Variants in SLC1A2 observed in about 807,000 individuals in gnomAD.
The protein encoded by SLC1A2 is excitatory amino acid transporter 2.
Under a neutral mutation model 48.8 loss-of-function variants are expected in SLC1A2, and 15 were observed. The observed-to-expected ratio is 0.31, with a 90% CI of 0.21 to 0.47. The LOEUF (loss-of-function observed/expected upper bound fraction) is 0.47, where lower values mean the gene tolerates loss of function less well. SLC1A2 is among the 20% of genes least tolerant of loss of function. The pLI is 0.99. For missense variants in SLC1A2, 502 were observed against 730.5 expected, an observed-to-expected ratio of 0.69 and a Z score of 3.61; for synonymous variants, 279 against 272.6, an observed-to-expected ratio of 1.02 and a Z score of -0.23.
intron 1 of SLC1A2, among the ~76,000 whole-genome samples, chr11:35,356,436 T>C (rs1341385970): frequency 5.3e-5 from 8 of 152,212 alleles, no homozygotes; most frequent in Admixed American, 5.2e-4. Flanking sequence ...GTTATGGCAG[T>C]GCACTTGGTC....
intron 1 of SLC1A2, among the ~76,000 whole-genome samples, chr11:35,354,938 C>T (rs1853403007): frequency 6.6e-6 from 1 of 152,180 alleles, no homozygotes; most frequent in South Asian, 2.1e-4. Context: ...TATACATTTT[C>T]CCATATTTTA....
intron 5 of SLC1A2, among the ~76,000 whole-genome samples, chr11:35,304,766 A>G (rs938400527): frequency 6.6e-6 from 1 of 152,138 alleles, no homozygotes; most frequent in Non-Finnish European, 1.5e-5. Context: ...CAAACAAACA[A>G]ACATGACACT....
chr11:35,349,940 C>T (rs993721137), intron 1 of SLC1A2, among the ~76,000 whole-genome samples: 2 of 152,158 alleles, frequency 1.3e-5, no homozygotes, highest in African/African-American at 2.4e-5. Flanking sequence ...CAAACACGGG[C>T]TCCGAGACAG....
rs1851741429 is a variant in SLC1A2 at position 35,312,554 on chromosome 11, G to T, written c.311-106C>A. The T allele has an allele frequency of 1.5e-5, 20 of 1,293,384 alleles. 1 individual carries two copies. The highest frequency in any genetic ancestry group is 2.9e-5 in the African/African-American group (2 of 68,214). 80.1% of individuals were successfully genotyped at this position (1,293,384 alleles called of 1,614,324 possible). On this transcript the variant is annotated intron_variant, in intron 3 of 10. Transcript: ENST00000278379. ...CTTCATATTACTCAAATGTGTTAAT[G>T]GTTGATTAAATCTCCTACTGTAGTC...
chr11:35,265,318 G>A (rs1359334218), intron 10 of SLC1A2: 1 of 559,458 alleles, frequency 1.8e-6, no homozygotes, highest in Non-Finnish European at 3.1e-6. Context: ...GCAACTGATT[G>A]ACTCTTTCTC....
At chr11:35,325,569 G>A (rs11033070) in intron 1 of SLC1A2, among the ~76,000 whole-genome samples, 121,287 of 152,128 alleles carry the variant, frequency 0.8, 48,902 homozygotes, top group East Asian at 0.93. Flanking sequence ...ACACTCCATT[G>A]TAAGAGGTAG....
chr11:35,406,877 T>C (rs188408073), intron 1 of SLC1A2, among the ~76,000 whole-genome samples: 1 of 152,166 alleles, frequency 6.6e-6, no homozygotes, highest in Non-Finnish European at 1.5e-5. Flanking sequence ...AATAGAAACA[T>C]ACATTTGGGA....
intron 1 of SLC1A2, among the ~76,000 whole-genome samples, chr11:35,354,890 C>G (rs558702912): frequency 6.6e-6 from 1 of 152,180 alleles, no homozygotes; most frequent in Non-Finnish European, 1.5e-5. Context: ...ACATCTTCCA[C>G]GAACAGCAAA....
At chr11:35,264,857 T>A (rs1950454036) in intron 10 of SLC1A2, 1 of 152,198 alleles carries the variant, frequency 6.6e-6, no homozygotes, top group South Asian at 2.1e-4. Flanking sequence ...CAAGGAGGAC[T>A]ACTTGTGCTA....
intron 9 of SLC1A2, among the ~76,000 whole-genome samples, chr11:35,267,304 A>C (rs1850122560): frequency 6.6e-6 from 1 of 152,228 alleles, no homozygotes; most frequent in African/African-American, 2.4e-5. Context: ...CCCTGATCAT[A>C]CTTGACATTT....
chr11:35,281,834 G>C (rs1056138493), intron 8 of SLC1A2: 1 of 152,070 alleles, frequency 6.6e-6, no homozygotes, highest in Non-Finnish European at 1.5e-5. Flanking sequence ...GTACAAAGCT[G>C]TCATATCAAA....
chr11:35,355,854 C>T (rs889754517), intron 1 of SLC1A2, among the ~76,000 whole-genome samples: 2 of 145,574 alleles, frequency 1.4e-5, no homozygotes, highest in South Asian at 4.4e-4. Flanking sequence ...CACTGCACTC[C>T]AACCTAGGCA....
At chr11:35,344,484 G>A (rs184891944) in intron 1 of SLC1A2, among the ~76,000 whole-genome samples, 5 of 152,294 alleles carry the variant, frequency 3.3e-5, no homozygotes, top group Admixed American at 2.0e-4. Flanking sequence ...CAAATTCTGT[G>A]AGTGCATGCT....
chr11:35,318,334 A>G (rs1851947980), intron 1 of SLC1A2, among the ~76,000 whole-genome samples: 1 of 152,210 alleles, frequency 6.6e-6, no homozygotes, highest in South Asian at 2.1e-4. Context: ...CCAGGCCAAT[A>G]AGATTCCAGA....
intron 1 of SLC1A2, among the ~76,000 whole-genome samples, chr11:35,370,078 A>G (rs1854005292): frequency 6.6e-6 from 1 of 152,236 alleles, no homozygotes; most frequent in Non-Finnish European, 1.5e-5. Flanking sequence ...AGGCTGTAGC[A>G]CAGTTGTCAG....
intron 9 of SLC1A2, among the ~76,000 whole-genome samples, chr11:35,267,460 T>C (rs1200389215): frequency 6.6e-6 from 1 of 152,210 alleles, no homozygotes; most frequent in Admixed American, 6.5e-5. Context: ...TATTCTATGA[T>C]GTATAATTTT....
At chr11:35,328,638 C>G (rs529951404) in intron 1 of SLC1A2, among the ~76,000 whole-genome samples, 1 of 152,282 alleles carries the variant, frequency 6.6e-6, no homozygotes, top group African/African-American at 2.4e-5. Flanking sequence ...AAAACTTGCT[C>G]TTTATATTAG....
In SLC1A2 at chr11:35,331,883, C is replaced by T. The variant is rs945640765; in HGVS notation, c.18-14367G>A. On this transcript the variant is annotated intron_variant, in intron 1 of 10. Coordinates refer to ENST00000278379, the MANE Select transcript of SLC1A2 (RefSeq NM_004171.4). ...TGCCTCTCCCACTAGGCCTTAGACT[C>T]TGTGAAGGAAGGGCCATACATCTAT... 2.0e-5 allele frequency among the ~76,000 whole-genome samples: 3 copies of T among 152,128 alleles called. 1 individual carries two copies. In the South Asian group the frequency reaches 6.2e-4, roughly 32 times the overall value.
intron 1 of SLC1A2, among the ~76,000 whole-genome samples, chr11:35,345,981 A>T (rs1005186951): frequency 2.0e-5 from 3 of 152,366 alleles, no homozygotes; most frequent in Admixed American, 6.5e-5. Context: ...CAAGTCACAG[A>T]GAAATTAAGT....
Sources: gnomAD v4.1 joint callset for allele counts (sites outside exome capture counted in the v4.1 genomes callset) on GRCh38, gnomAD v4.1.1 for gene constraint, MANE v1.5 for transcripts, NCBI Gene and HGNC (gene_info 2026-07-23, HGNC 2026-07-21) for gene names.